ITGAX: variants seen among roughly 807,000 people sequenced by gnomAD.
ITGAX encodes integrin subunit alpha X.
A neutral mutation model predicts 140.2 loss-of-function variants in ITGAX; 99 were observed. The ratio of observed to expected loss-of-function variants is 0.71; its 90% confidence interval spans 0.60 to 0.83. The LOEUF (loss-of-function observed/expected upper bound fraction) is 0.83, where lower values mean the gene tolerates loss of function less well. Among genes scored for constraint, ITGAX ranks in the 40% least tolerant of loss-of-function variants. ITGAX has a pLI of 0.00. For synonymous variants in ITGAX, 631 were observed against 600.4 expected, an observed-to-expected ratio of 1.05 and a Z score of -0.75; for missense variants, 1,444 against 1,482.0, an observed-to-expected ratio of 0.97 and a Z score of 0.42.
Position 31,379,797 on chromosome 16 carries a change from A to G in ITGAX, c.2909A>G (p.Asn970Ser). Reference sequence around the variant, plus strand: ...CAGAGGGACCTGCCTGTCAGCATCAACTTCTGGGTGCCTGTGGAGCTGAAC... The same window carrying G: ...CAGAGGGACCTGCCTGTCAGCATCAGCTTCTGGGTGCCTGTGGAGCTGAAC... ...LGQRDLPVSI[N>S]FWVPVELNQE... The change falls in exon 25 of 30, where the codon AAC becomes AGC. Residue 970 changes from asparagine (N) to serine (S), a missense_variant. Coordinates refer to ENST00000268296, the MANE Select transcript of ITGAX (RefSeq NM_000887.5). 6.2e-7 allele frequency: 1 copy of G among 1,614,102 alleles called. No individual in the cohort carries two copies. Among genetic ancestry groups the G allele is most frequent in the African/African-American group, 1.3e-5 (1 of 75,022 alleles).
intron 20 of ITGAX, 76 bp from the exon 21 acceptor site, chr16:31,376,723 T>A: frequency 7.4e-7 from 1 of 1,343,710 alleles, no homozygotes; most frequent in Non-Finnish European, 1.1e-6. Flanking sequence ...TTATATTAGG[T>A]TGGTGCAAAA....
intron 4 of ITGAX, 43 bp from the exon 5 acceptor site, chr16:31,357,210 G>A: frequency 6.5e-7 from 1 of 1,549,000 alleles, no homozygotes; most frequent in Non-Finnish European, 8.8e-7. Context: ...GTGAGGGTGG[G>A]AGGAAGCAGG....
At chr16:31,374,604 T>C (rs2081002806) in intron 20 of ITGAX, among the ~76,000 whole-genome samples, 1 of 152,130 alleles carries the variant, frequency 6.6e-6, no homozygotes, top group South Asian at 2.1e-4. Context: ...CACACCTGGC[T>C]AATTTTTTAA....
intron 5 of ITGAX, among the ~76,000 whole-genome samples, chr16:31,359,441 G>A (rs892616452): frequency 2.6e-5 from 4 of 152,198 alleles, no homozygotes; most frequent in Non-Finnish European, 4.4e-5. Context: ...TGGGATTACA[G>A]GCGTGAGCCA....
At chr16:31,368,373 C>T (rs990413894) in intron 14 of ITGAX, among the ~76,000 whole-genome samples, 10 of 151,192 alleles carry the variant, frequency 6.6e-5, no homozygotes, top group African/African-American at 2.4e-4. Context: ...TGGCAGATGT[C>T]TGTAATCCCA....
At chr16:31,376,068 A>G (rs2142524646) in intron 20 of ITGAX, among the ~76,000 whole-genome samples, 1 of 152,314 alleles carries the variant, frequency 6.6e-6, no homozygotes, top group South Asian at 2.1e-4. Flanking sequence ...TTCTAGATGA[A>G]ACAATATGGT....
At chr16:31,362,528 T>A in intron 11 of ITGAX, 83 bp from the exon 12 acceptor site, 1 of 1,283,250 alleles carries the variant, frequency 7.8e-7, no homozygotes, top group South Asian at 1.4e-5. Flanking sequence ...GGAGGGGAGA[T>A]GGTGCTGTGC....
rs763123555 is a variant in ITGAX, at chr16:31,359,685, C to G, written c.431-15C>G. 6.2e-7 allele frequency: 1 copy of G among 1,613,172 alleles called. No homozygotes were observed. The highest frequency in any genetic ancestry group is 1.3e-5 in the African/African-American group (1 of 74,914). On this transcript the variant is annotated splice_polypyrimidine_tract_variant and intron_variant, in intron 5 of 29. Coordinates refer to ENST00000268296, the MANE Select transcript of ITGAX (RefSeq NM_000887.5). ...GGAGTGTCACTTGGAGGACCGGTGC[C>G]ACCTCCTTCCCCAGAGTGCCCAAGA...
chr16:31,356,580 G>A, intron 2 of ITGAX, 45 bp from the exon 3 acceptor site: 1 of 1,386,436 alleles, frequency 7.2e-7, no homozygotes, highest in Non-Finnish European at 1.0e-6. Context: ...CAGCTGTGCT[G>A]CAGCGTCCAC....
Position 31,382,193 on chromosome 16 carries a change from T to A in ITGAX, c.*286T>A, listed in dbSNP as rs2081074842. The A allele has an allele frequency of 7.1e-7, 1 of 1,410,224 alleles. No homozygotes were observed. The allele number at this position is 1,410,224 out of a possible 1,614,324, so 87.4% of individuals were successfully genotyped here. On this transcript the variant is annotated 3_prime_UTR_variant, in exon 30 of 30. Coordinates refer to ENST00000268296, the MANE Select transcript of ITGAX (RefSeq NM_000887.5). ...AATACCCCCAGGCCTCAGTCTCCCT[T>A]CTCCCATGAGGCACGAATGATCTTT...
At chr16:31,358,207 G>A (rs1267120487) in intron 5 of ITGAX, 1 of 152,248 alleles carries the variant, frequency 6.6e-6, no homozygotes, top group African/African-American at 2.4e-5. Flanking sequence ...ATGGAAGGGG[G>A]TTTCCTCTCC....
chr16:31,377,047 A>G lies in ITGAX; in HGVS notation c.2673A>G (p.Gly891=). 3 of 1,614,186 alleles carry G rather than the reference A, an allele frequency of 1.9e-6. No homozygotes were observed. The highest frequency in any genetic ancestry group is 2.5e-6 in the Non-Finnish European group (3 of 1,180,036). The part of the protein sequence containing the change: ...TFDVSPKAVL[G]DRLLLTANVS... ...ACGTCTCCCCCAAGGCTGTCCTGGG[A>G]GACCGGCTGCTTCTGACAGCCAATG... is the stretch of plus-strand genomic sequence containing the variant. The change falls in exon 22 of 30, where the codon GGA becomes GGG. Residue 891 remains glycine (G), a synonymous_variant. Transcript: ENST00000268296.
At chr16:31,363,588 G>T (rs1176422890) in intron 14 of ITGAX, among the ~76,000 whole-genome samples, 2 of 152,152 alleles carry the variant, frequency 1.3e-5, no homozygotes, top group Admixed American at 1.3e-4. Flanking sequence ...TGGGATTACA[G>T]GCATGCACCA....
At chr16:31,371,044 CT>C in intron 14 of ITGAX, 39 bp from the exon 15 acceptor site, 1 of 1,612,812 alleles carries the variant, frequency 6.2e-7, no homozygotes, top group Non-Finnish European at 8.5e-7. Context: ...ACTTCTTCCC[CT>C]ACTTTCCATC....
At chr16:31,365,557 T>C (rs986411158) in intron 14 of ITGAX, among the ~76,000 whole-genome samples, 3 of 152,090 alleles carry the variant, frequency 2.0e-5, no homozygotes, top group Non-Finnish European at 4.4e-5. Flanking sequence ...ATTAAATGAG[T>C]TAGTATGCAT....
chr16:31,360,179 C>A, intron 7 of ITGAX, 114 bp downstream of exon 7: 1 of 1,521,602 alleles, frequency 6.6e-7, no homozygotes, highest in South Asian at 1.3e-5. Flanking sequence ...CCGTGATACC[C>A]TTGCCAAGCT....
intron 20 of ITGAX, among the ~76,000 whole-genome samples, chr16:31,375,297 T>C (rs1400686709): frequency 6.6e-6 from 1 of 152,332 alleles, no homozygotes; most frequent in Non-Finnish European, 1.5e-5. Context: ...ATTACAGGCG[T>C]AAGCCACGGA....
At position 31,379,767 on chromosome 16, in the gene ITGAX, T is replaced by C; in HGVS notation, c.2879T>C (p.Leu960Pro). ...GTGCCCTCTGTGCAGGTCAATAACC[T>C]GGGACAGAGGGACCTGCCTGTCAGC... ...VAMHRYQVNN[L>P]GQRDLPVSIN... is the part of the protein sequence containing the mutation. The change falls in exon 25 of 30, where the codon CTG becomes CCG. Residue 960 changes from leucine to proline, a missense_variant. By Grantham distance (98) the Leu-to-Pro change is moderately conservative (BLOSUM62 -3). Coordinates refer to ENST00000268296, the MANE Select transcript of ITGAX (RefSeq NM_000887.5). 1 of 1,613,826 alleles carries C rather than the reference T, an allele frequency of 6.2e-7. No homozygotes were observed.
chr16:31,358,920 T>G (rs1231945609), intron 5 of ITGAX, among the ~76,000 whole-genome samples: 1 of 150,638 alleles, frequency 6.6e-6, no homozygotes, highest in East Asian at 2.0e-4. Flanking sequence ...TGGGCTCAAG[T>G]GATCCTCCCA....
Sources: gnomAD v4.1 joint callset for allele counts (sites outside exome capture counted in the v4.1 genomes callset) on GRCh38, gnomAD v4.1.1 for gene constraint, MANE v1.5 for transcripts, NCBI Gene and HGNC (gene_info 2026-07-23, HGNC 2026-07-21) for gene names.